Variants in ENAH observed in about 807,000 individuals in gnomAD.
ENAH encodes the protein ENAH actin regulator.
ENAH carries 23 observed loss-of-function variants against 78.7 expected under a neutral mutation model. The ratio of observed to expected loss-of-function variants is 0.29; its 90% CI spans 0.21 to 0.41. ENAH has a LOEUF of 0.41. ENAH is among the 10% of genes least tolerant of loss of function. The probability of loss-of-function intolerance (pLI) is 1.00; values close to 1 mark genes in which losing one functional copy is unlikely to be tolerated. For missense variants in ENAH, 544 were observed against 691.0 expected, an observed-to-expected ratio of 0.79 and a Z score of 2.39; for synonymous variants, 226 against 241.0, an observed-to-expected ratio of 0.94 and a Z score of 0.58.
intron 1 of ENAH, among the ~76,000 whole-genome samples, chr1:225,630,437 A>G (rs2148347528): frequency 6.6e-6 from 1 of 152,332 alleles, no homozygotes; most frequent in East Asian, 1.9e-4. Flanking sequence ...TCGTACATAT[A>G]GGGTTCTTAC....
chr1:225,561,824 A>G (rs2096707675), intron 2 of ENAH, among the ~76,000 whole-genome samples: 2 of 152,032 alleles, frequency 1.3e-5, no homozygotes, highest in Non-Finnish European at 2.9e-5. Context: ...TAGCCTGACC[A>G]TAACAGAGTA....
chr1:225,632,515 G>T (rs1409379304), intron 1 of ENAH, among the ~76,000 whole-genome samples: 1 of 140,754 alleles, frequency 7.1e-6, no homozygotes, highest in African/African-American at 2.5e-5. Context: ...AAAAAAAAAA[G>T]TGGTTCTCAA....
At chr1:225,611,004 T>C (rs2096985340) in intron 1 of ENAH, among the ~76,000 whole-genome samples, 1 of 152,196 alleles carries the variant, frequency 6.6e-6, no homozygotes, top group South Asian at 2.1e-4. Context: ...TCTATGTGAT[T>C]CTATTCACAT....
chr1:225,595,996 C>G (rs910051134), intron 1 of ENAH, among the ~76,000 whole-genome samples: 2 of 152,104 alleles, frequency 1.3e-5, no homozygotes, highest in African/African-American at 4.8e-5. Flanking sequence ...AGAGGATACC[C>G]TTTTGGTTAA....
intron 1 of ENAH, among the ~76,000 whole-genome samples, chr1:225,651,615 G>A (rs1229108893): frequency 1.3e-5 from 2 of 152,166 alleles, no homozygotes; most frequent in African/African-American, 4.8e-5. Flanking sequence ...TCTTCCAGGA[G>A]AGAGAAATGG....
rs78186742 is a variant in ENAH at position 225,568,600 on chromosome 1, A to G, written c.6-1186T>C. Reference sequence around the variant, plus strand: ...CCTTCACAAAAGCACTGCTTATTCTATCAATTTTATCTCAAAAATTTTAAA... The same window carrying G: ...CCTTCACAAAAGCACTGCTTATTCTGTCAATTTTATCTCAAAAATTTTAAA... On this transcript the variant is annotated intron_variant, in intron 1 of 13. Transcript: ENST00000366843. 4.3e-3 allele frequency among the ~76,000 whole-genome samples: 655 copies of G among 152,362 alleles called. 4 individuals carry two copies. Among genetic ancestry groups the G allele is most frequent in the African/African-American group, 0.015 (613 of 41,584 alleles).
chr1:225,525,611 G>A (rs1488155885), intron 4 of ENAH, among the ~76,000 whole-genome samples: 3 of 152,118 alleles, frequency 2.0e-5, no homozygotes, highest in African/African-American at 7.2e-5. Context: ...TTAGTCGTGC[G>A]GGAATTACCT....
intron 5 of ENAH, chr1:225,517,956 T>A: frequency 6.5e-7 from 1 of 1,546,362 alleles, no homozygotes. Flanking sequence ...ACTCAGGAAG[T>A]GGAGCGTTAT....
At chr1:225,529,641 A>G (rs930872261) in intron 4 of ENAH, among the ~76,000 whole-genome samples, 4 of 152,086 alleles carry the variant, frequency 2.6e-5, no homozygotes, top group African/African-American at 9.7e-5. Flanking sequence ...ATAAGTACTT[A>G]GAACAAAAAA....
At chr1:225,612,644 G>A (rs2096997377) in intron 1 of ENAH, among the ~76,000 whole-genome samples, 1 of 152,098 alleles carries the variant, frequency 6.6e-6, no homozygotes, top group South Asian at 2.1e-4. Flanking sequence ...AATACTTAAT[G>A]CTGGCCAGGA....
chr1:225,507,830 C>T, intron 11 of ENAH, 121 bp downstream of exon 11: 1 of 596,302 alleles, frequency 1.7e-6, no homozygotes, highest in Non-Finnish European at 2.7e-6. Flanking sequence ...CTAGGAGGAT[C>T]ACGAGAGTTT....
intron 3 of ENAH, among the ~76,000 whole-genome samples, chr1:225,549,169 G>A (rs920983770): frequency 2.6e-5 from 4 of 151,926 alleles, no homozygotes; most frequent in African/African-American, 9.7e-5. Flanking sequence ...GGTTTTATAG[G>A]GTTCAAAATG....
chr1:225,530,924 G>T, intron 3 of ENAH: 1 of 414,988 alleles, frequency 2.4e-6, no homozygotes, highest in South Asian at 1.0e-4. Flanking sequence ...AGTGTTCGAT[G>T]AGCATCTGAA....
At chr1:225,510,919 G>C (rs1444596621) in intron 10 of ENAH, among the ~76,000 whole-genome samples, 1 of 152,012 alleles carries the variant, frequency 6.6e-6, no homozygotes, top group Non-Finnish European at 1.5e-5. Flanking sequence ...GGGCTGGGGG[G>C]CTAAGGTGGG....
At chr1:225,607,595 C>A (rs1235445897) in intron 1 of ENAH, among the ~76,000 whole-genome samples, 1 of 150,134 alleles carries the variant, frequency 6.7e-6, no homozygotes, top group Non-Finnish European at 1.5e-5. Context: ...ATAACCCAAA[C>A]AATGCCATCA....
rs573077509 is a variant in ENAH, at chr1:225,636,015, G to C, written c.5+16671C>G. On this transcript the variant is annotated intron_variant, in intron 1 of 13. Coordinates refer to ENST00000366843, the MANE Select transcript of ENAH (RefSeq NM_018212.6). ...GCCTGAGTTTCCAGCCTGCCTGTTG[G>C]CCTTACAATTTTCAGACTTACCAGC... Among the ~76,000 whole-genome samples, 9 of 152,300 alleles carry C rather than the reference G, an allele frequency of 5.9e-5. No homozygotes were observed. In the South Asian group the frequency reaches 1.9e-3, roughly 32 times the overall value.
chr1:225,540,881 T>C (rs1452529529), intron 3 of ENAH, among the ~76,000 whole-genome samples: 1 of 152,202 alleles, frequency 6.6e-6, no homozygotes. Context: ...GTTTTTTAAC[T>C]AAGATTTGCT....
chr1:225,554,341 G>C (rs2096655897), intron 3 of ENAH, among the ~76,000 whole-genome samples: 2 of 151,888 alleles, frequency 1.3e-5, no homozygotes, highest in Admixed American at 6.6e-5. Context: ...TTTTTAAAAA[G>C]TGATTTCTAT....
In ENAH at chr1:225,487,866, A is replaced by G. The variant is rs1412192363; in HGVS notation, c.*9909T>C. Reference sequence around the variant, plus strand: ...CTGTGACTATCCATCCTTTTGGACCATAAGAAATTCACTTTTAAATTTTTT... The same window carrying G: ...CTGTGACTATCCATCCTTTTGGACCGTAAGAAATTCACTTTTAAATTTTTT... On this transcript the variant is annotated 3_prime_UTR_variant, in exon 14 of 14. Transcript: ENST00000366843. 6.6e-6 allele frequency: 1 copy of G among 152,206 alleles called. No individual in the cohort carries two copies. Among genetic ancestry groups the G allele is most frequent in the East Asian group, 1.9e-4 (1 of 5,196 alleles). 9.4% of individuals were successfully genotyped at this position (152,206 alleles called of 1,614,324 possible).
Sources: allele counts gnomAD v4.1 joint callset (sites outside exome capture counted in the v4.1 genomes callset), GRCh38; gene constraint gnomAD v4.1.1; transcripts MANE v1.5; gene names NCBI Gene and HGNC (gene_info 2026-07-23, HGNC 2026-07-21).